AFF1: variants seen among roughly 807,000 people sequenced by gnomAD.
The protein encoded by AFF1 is AF4/FMR2 family member 1.
Under a neutral mutation model 121.7 loss-of-function variants are expected in AFF1, and 48 were observed. The ratio of observed to expected loss-of-function variants is 0.39; its 90% CI spans 0.31 to 0.50. AFF1 has a LOEUF of 0.50. Among genes scored for constraint, AFF1 ranks in the 20% least tolerant of loss-of-function variants. AFF1 has a pLI of 0.76. For missense variants in AFF1, 1,523 were observed against 1,511.7 expected (o/e 1.01, Z -0.12); for synonymous variants, 613 against 563.0 (o/e 1.09, Z -1.26).
intron 2 of AFF1, among the ~76,000 whole-genome samples, chr4:87,043,265 A>G (rs1043143518): frequency 6.6e-6 from 1 of 152,214 alleles, no homozygotes; most frequent in Non-Finnish European, 1.5e-5. Context: ...ATAGCCAAGC[A>G]GACAAGCACA....
intron 4 of AFF1, among the ~76,000 whole-genome samples, chr4:87,054,131 AT>A (rs1347619913): frequency 6.6e-6 from 1 of 152,266 alleles, no homozygotes; most frequent in Non-Finnish European, 1.5e-5. Context: ...TTGGCAGCAC[AT>A]CAGAATCACC....
At position 87,127,629 on chromosome 4, in the gene AFF1, T is replaced by C. The variant is rs780377430; in HGVS notation, c.2904-14T>C. On this transcript the variant is annotated splice_polypyrimidine_tract_variant and intron_variant, in intron 15 of 20. Transcript: ENST00000395146. ...GGCTCATATGACCTGTCCCTGGTTT[T>C]TCCTCTTTTTCAGACAACAAGCAGA... is the stretch of plus-strand genomic sequence containing the variant. 1 of 1,614,056 alleles carries C rather than the reference T, an allele frequency of 6.2e-7. No homozygotes were observed. Among genetic ancestry groups the C allele is most frequent in the Non-Finnish European group, 8.5e-7 (1 of 1,180,022 alleles).
chr4:87,058,825 C>T (rs967998918), intron 4 of AFF1, among the ~76,000 whole-genome samples: 4 of 152,138 alleles, frequency 2.6e-5, no homozygotes, highest in African/African-American at 9.7e-5. Flanking sequence ...CTACTTGCAA[C>T]CCATTGCAGC....
Position 87,138,806 on chromosome 4 carries a change from T to A in AFF1, c.*3105T>A, listed in dbSNP as rs1451603354. ...TGATTACAATACTGAATGGGAAAAG[T>A]ATCTAATATTTTGTAACAAAAAGAC... On this transcript the variant is annotated 3_prime_UTR_variant, in exon 21 of 21. Coordinates refer to ENST00000395146, the MANE Select transcript of AFF1 (RefSeq NM_001166693.3). 1 of 229,234 alleles carries A rather than the reference T, an allele frequency of 4.4e-6. No homozygotes were observed. The highest frequency in any genetic ancestry group is 2.2e-5 in the African/African-American group (1 of 45,132). The allele number at this position is 229,234 out of a possible 1,614,324, so 14.2% of individuals were successfully genotyped here.
rs749186199 is a variant in AFF1 at position 87,060,835 on chromosome 4, C to CAAAAA, written c.1059+13269_1059+13273dup. ...GCCTGGCGAGAGTGAGACTCTGTCTCAAAAAAAAAAAAAAAAAAAAAAAAA... is the reference window on the plus strand; with the variant it reads ...GCCTGGCGAGAGTGAGACTCTGTCTCAAAAAAAAAAAAAAAAAAAAAAAAAAAAAA... On this transcript the variant is annotated intron_variant, in intron 4 of 20. Coordinates refer to ENST00000395146, the MANE Select transcript of AFF1 (RefSeq NM_001166693.3). 3.5e-3 allele frequency among the ~76,000 whole-genome samples: 220 copies of CAAAAA among 62,146 alleles called. 7 individuals carry two copies. Among genetic ancestry groups the CAAAAA allele is most frequent in the South Asian group, 8.1e-3 (15 of 1,846 alleles). The allele number at this position is 62,146 out of a possible 152,430, so 40.8% of individuals were successfully genotyped here. A position where few individuals can be genotyped will look rare whatever the true frequency, so the allele number is the denominator to read the frequency against.
At chr4:87,045,939 G>A (rs1730642387) in intron 2 of AFF1, among the ~76,000 whole-genome samples, 1 of 152,138 alleles carries the variant, frequency 6.6e-6, no homozygotes, top group South Asian at 2.1e-4. Context: ...CAGAGTGAAT[G>A]CTTGGGTTTT....
chr4:86,972,361 A>G (rs1302847736), intron 2 of AFF1, among the ~76,000 whole-genome samples: 6 of 152,082 alleles, frequency 3.9e-5, no homozygotes, highest in African/African-American at 1.4e-4. Flanking sequence ...TGAACTGTCT[A>G]CTATGGTAGT....
chr4:86,960,056 G>A (rs1474446297), intron 2 of AFF1, among the ~76,000 whole-genome samples: 3 of 152,114 alleles, frequency 2.0e-5, no homozygotes, highest in Admixed American at 6.5e-5. Flanking sequence ...GTGATAAATG[G>A]GGGCTGCTGG....
chr4:87,091,835 T>A lies in AFF1; in HGVS notation c.1228+6T>A. 1 of 1,558,312 alleles carries A rather than the reference T, an allele frequency of 6.4e-7. No individual in the cohort carries two copies. Among genetic ancestry groups the A allele is most frequent in the Non-Finnish European group, 8.7e-7 (1 of 1,152,524 alleles). On this transcript the variant is annotated splice_donor_region_variant and intron_variant, in intron 7 of 20. Transcript: ENST00000395146. ...TTCTGTAACCCAAAACCAAAGTAAG[T>A]AAATTTGAAACTGCTTATTGGATTG...
At chr4:87,133,581 G>A (rs894817439) in intron 19 of AFF1, among the ~76,000 whole-genome samples, 4 of 152,182 alleles carry the variant, frequency 2.6e-5, no homozygotes, top group South Asian at 2.1e-4. Flanking sequence ...TGTCCATCCA[G>A]TATATACTGA....
At chr4:86,943,490 A>C (rs1012982775) in intron 1 of AFF1, among the ~76,000 whole-genome samples, 3 of 152,222 alleles carry the variant, frequency 2.0e-5, no homozygotes, top group African/African-American at 7.2e-5. Context: ...CTCTGAACAG[A>C]GTAATTTTTC....
chr4:87,079,798 A>G (rs368397341), intron 4 of AFF1, among the ~76,000 whole-genome samples: 4 of 152,290 alleles, frequency 2.6e-5, no homozygotes, highest in African/African-American at 9.6e-5. Flanking sequence ...CTGGCATAAT[A>G]CCTACCACAA....
rs1723440931 is a variant in AFF1 at position 87,084,116 on chromosome 4, T to G, written c.1060-4T>G. ...ACCTTTTATTTTTTGCTTTTCACTT[T>G]CAGCAGACCTACTCCAATGAAGTCC... On this transcript the variant is annotated splice_region_variant and splice_polypyrimidine_tract_variant and intron_variant, in intron 4 of 20. Coordinates refer to ENST00000395146, the MANE Select transcript of AFF1 (RefSeq NM_001166693.3). 1 of 1,613,786 alleles carries G rather than the reference T, an allele frequency of 6.2e-7. No individual in the cohort carries two copies.
chr4:87,065,553 A>G lies in AFF1; in HGVS notation c.1059+17959A>G, dbSNP rs114459375. 6.7e-3 allele frequency among the ~76,000 whole-genome samples: 1,016 copies of G among 152,338 alleles called. 12 individuals are homozygous for G. The highest frequency in any genetic ancestry group is 0.024 in the African/African-American group (978 of 41,560). The stretch of plus-strand genomic sequence containing the variant: ...GTTGATCATAAACTGATCTAAAAAA[A>G]TAGTACAAGTAGTATTATGACGCAG... On this transcript the variant is annotated intron_variant, in intron 4 of 20. Transcript: ENST00000395146.
intron 8 of AFF1, among the ~76,000 whole-genome samples, chr4:87,101,647 G>A (rs1164601104): frequency 6.6e-6 from 1 of 151,982 alleles, no homozygotes; most frequent in Non-Finnish European, 1.5e-5. Flanking sequence ...CCTGCCTTGT[G>A]TGCCATTGCC....
intron 2 of AFF1, among the ~76,000 whole-genome samples, chr4:87,008,666 GT>G (rs1391627072): frequency 1.3e-5 from 2 of 150,600 alleles, no homozygotes; most frequent in African/African-American, 4.9e-5. Flanking sequence ...TATAGTACCA[GT>G]CCTTGTGATG....
intron 2 of AFF1, among the ~76,000 whole-genome samples, chr4:87,036,443 G>A (rs925133396): frequency 2.0e-5 from 3 of 152,004 alleles, no homozygotes; most frequent in Admixed American, 1.3e-4. Context: ...TTCTATATAC[G>A]TGCTGGCCTT....
At chr4:86,998,679 T>G (rs1725439845) in intron 2 of AFF1, among the ~76,000 whole-genome samples, 2 of 152,188 alleles carry the variant, frequency 1.3e-5, no homozygotes, top group South Asian at 4.1e-4. Flanking sequence ...TTTTTATTAA[T>G]CAAAAAACTC....
chr4:87,115,264 T>A lies in AFF1; in HGVS notation c.2431T>A (p.Ser811Thr). The part of the protein sequence containing the change: ...GKKHSSEKRS[S>T]DSSSKLAKKR... ...GAAGCACAGCTCTGAGAAGAGGAGC[T>A]CAGACAGCTCAAGCAAGTTGGCCAA... Residue 811 changes from serine (S) to threonine (T), a missense_variant, in exon 12 of 21, where the codon TCA (serine) becomes ACA (threonine). Ser to Thr is a moderately conservative substitution (Grantham distance 58). Around this residue, in one of 5 missense-constraint regions of AFF1, gnomAD observed 905 missense variants for 842.5 expected, o/e 1.07. Transcript: ENST00000395146. 2 of 1,611,912 alleles carry A rather than the reference T, an allele frequency of 1.2e-6. No homozygotes were observed. The highest frequency in any genetic ancestry group is 2.7e-5 in the African/African-American group (2 of 74,900).
Sources: allele counts gnomAD v4.1 joint callset (sites outside exome capture counted in the v4.1 genomes callset), GRCh38; gene constraint gnomAD v4.1.1; regional missense constraint gnomAD v4.1.1; transcripts MANE v1.5; gene names NCBI Gene and HGNC (gene_info 2026-07-23, HGNC 2026-07-21).